FNDC3B: variants seen among roughly 807,000 people sequenced by gnomAD.
FNDC3B encodes the protein fibronectin type III domain-containing protein 3B.
In FNDC3B, 12 loss-of-function variants were observed where a neutral mutation model predicts 151.5. The ratio of observed to expected loss-of-function variants is 0.08; its 90% CI spans 0.05 to 0.13. The LOEUF is 0.13. Ranked by LOEUF, FNDC3B falls within the 10% of genes least tolerant of loss-of-function variation. The pLI is 1.00. For missense variants in FNDC3B, 1,214 were observed against 1,505.3 expected (o/e 0.81, Z 3.20); for synonymous variants, 528 against 549.0 (o/e 0.96, Z 0.54).
chr3:172,282,662 G>A (rs1729798800), intron 6 of FNDC3B, among the ~76,000 whole-genome samples: 1 of 152,126 alleles, frequency 6.6e-6, no homozygotes, highest in Admixed American at 6.5e-5. Context: ...ATAGGACTGA[G>A]CAGATCTCCT....
intron 25 of FNDC3B, among the ~76,000 whole-genome samples, chr3:172,396,686 G>T (rs761951952): frequency 7.2e-5 from 11 of 152,114 alleles, no homozygotes; most frequent in Admixed American, 7.2e-4. Flanking sequence ...AGCATGAAGC[G>T]TATTGTGAAC....
intron 4 of FNDC3B, among the ~76,000 whole-genome samples, chr3:172,233,280 C>A (rs927439747): frequency 1.4e-4 from 21 of 152,120 alleles, no homozygotes; most frequent in African/African-American, 5.1e-4. Flanking sequence ...TCTTCTTTTT[C>A]CAGATTAACT....
chr3:172,249,471 G>T (rs1043192663), intron 5 of FNDC3B, among the ~76,000 whole-genome samples: 2 of 152,128 alleles, frequency 1.3e-5, no homozygotes, highest in African/African-American at 4.8e-5. Context: ...TCAAATTAAA[G>T]CAGTAAAACA....
At chr3:172,300,548 T>C (rs1408373420) in intron 9 of FNDC3B, among the ~76,000 whole-genome samples, 1 of 152,150 alleles carries the variant, frequency 6.6e-6, no homozygotes, top group African/African-American at 2.4e-5. Flanking sequence ...CCTATGAACA[T>C]CTTGAACTTC....
At chr3:172,362,905 C>G in intron 23 of FNDC3B, 60 bp downstream of exon 23, 1 of 1,297,524 alleles carries the variant, frequency 7.7e-7, no homozygotes, top group Non-Finnish European at 1.1e-6. Flanking sequence ...GGGATGAAAT[C>G]TCAATTGTAC....
At chr3:172,317,265 C>G in intron 11 of FNDC3B, 1 of 386,356 alleles carries the variant, frequency 2.6e-6, no homozygotes, top group Non-Finnish European at 5.1e-6. Context: ...CTCACTGCAA[C>G]GTCTGCCTCC....
chr3:172,113,431 C>G (rs987112294), intron 2 of FNDC3B, among the ~76,000 whole-genome samples: 2 of 152,164 alleles, frequency 1.3e-5, no homozygotes, highest in African/African-American at 2.4e-5. Flanking sequence ...TATATCCAAC[C>G]TCTGTCTATC....
At chr3:172,293,136 C>T (rs1730428071) in intron 7 of FNDC3B, among the ~76,000 whole-genome samples, 1 of 152,148 alleles carries the variant, frequency 6.6e-6, no homozygotes, top group African/African-American at 2.4e-5. Context: ...TCTTTGTATC[C>T]ACAGCCCCTC....
At chr3:172,229,436 A>T (rs971081086) in intron 4 of FNDC3B, among the ~76,000 whole-genome samples, 1 of 151,946 alleles carries the variant, frequency 6.6e-6, no homozygotes, top group Non-Finnish European at 1.5e-5. Flanking sequence ...ACACACTTTC[A>T]TGTCCATTAT....
intron 22 of FNDC3B, 148 bp from the exon 23 acceptor site, chr3:172,362,485 T>C (rs1223429262): frequency 1.0e-5 from 7 of 666,770 alleles, no homozygotes; most frequent in African/African-American, 5.4e-5. Context: ...TGCTTCTATT[T>C]GTCTTGAGTT....
chr3:172,201,826 C>T (rs1459585263), intron 3 of FNDC3B, among the ~76,000 whole-genome samples: 1 of 152,126 alleles, frequency 6.6e-6, no homozygotes, highest in African/African-American at 2.4e-5. Flanking sequence ...TTCAGATATA[C>T]AGCATTTTTT....
At chr3:172,221,573 T>A (rs993761662) in intron 3 of FNDC3B, among the ~76,000 whole-genome samples, 1 of 152,234 alleles carries the variant, frequency 6.6e-6, no homozygotes, top group African/African-American at 2.4e-5. Flanking sequence ...GGATGCACAC[T>A]GAAGTTGAAG....
At chr3:172,186,988 T>G in intron 3 of FNDC3B, 1 of 419,356 alleles carries the variant, frequency 2.4e-6, no homozygotes, top group Non-Finnish European at 4.2e-6. Flanking sequence ...AATCTTGGCT[T>G]TACTGTAGTT....
chr3:172,345,465 C>T (rs1733558556), intron 19 of FNDC3B, among the ~76,000 whole-genome samples: 1 of 152,130 alleles, frequency 6.6e-6, no homozygotes, highest in Admixed American at 6.5e-5. Context: ...GGGTTTATTC[C>T]TGTTGTATTA....
intron 1 of FNDC3B, among the ~76,000 whole-genome samples, chr3:172,046,088 G>A (rs1383762187): frequency 6.6e-6 from 1 of 152,020 alleles, no homozygotes; most frequent in Non-Finnish European, 1.5e-5. Flanking sequence ...TGAAGATCAG[G>A]GGACAGAAAT....
At chr3:172,176,194 G>C (rs988119055) in intron 3 of FNDC3B, among the ~76,000 whole-genome samples, 2 of 152,194 alleles carry the variant, frequency 1.3e-5, no homozygotes. Flanking sequence ...TCATTCCCTT[G>C]CCAGAGCCTG....
chr3:172,200,981 A>G (rs138308899), intron 3 of FNDC3B, among the ~76,000 whole-genome samples: 8 of 152,344 alleles, frequency 5.3e-5, no homozygotes, highest in East Asian at 1.9e-4. Context: ...ATTGTTTTCA[A>G]TATCTCTGCC....
At chr3:172,370,295 C>T (rs994889086) in intron 23 of FNDC3B, among the ~76,000 whole-genome samples, 1 of 151,970 alleles carries the variant, frequency 6.6e-6, no homozygotes, top group South Asian at 2.1e-4. Context: ...AAGCTAAATT[C>T]TTCATGTATA....
chr3:172,263,212 G>C (rs541942306), intron 6 of FNDC3B, among the ~76,000 whole-genome samples: 8 of 151,954 alleles, frequency 5.3e-5, no homozygotes, highest in Admixed American at 5.2e-4. Flanking sequence ...GTCTACAACA[G>C]TTAAAAATTT....
Sources: gnomAD v4.1 joint callset for allele counts (sites outside exome capture counted in the v4.1 genomes callset) on GRCh38, gnomAD v4.1.1 for gene constraint, MANE v1.5 for transcripts, NCBI Gene and HGNC (gene_info 2026-07-23, HGNC 2026-07-21) for gene names.